DNAH1: variants seen among roughly 807,000 people sequenced by gnomAD.
DNAH1 encodes the protein axonemal beta dynein heavy chain 1.
Under a neutral mutation model 484.3 loss-of-function variants are expected in DNAH1, and 327 were observed. The observed-to-expected ratio is 0.68, with a 90% CI of 0.62 to 0.74. The LOEUF (loss-of-function observed/expected upper bound fraction) is 0.74. DNAH1 is among the 30% of genes least tolerant of loss of function. The probability of loss-of-function intolerance (pLI) is 0.00; values close to 1 mark genes in which losing one functional copy is unlikely to be tolerated. For missense variants in DNAH1, 5,052 were observed against 5,546.8 expected, an observed-to-expected ratio of 0.91 and a Z score of 2.83; for synonymous variants, 2,192 against 2,191.9, an observed-to-expected ratio of 1.00 and a Z score of 0.00.
At chr3:52,315,077 A>C (rs1439940325), upstream of DNAH1, among the ~76,000 whole-genome samples, 2 of 152,226 alleles carry the variant, frequency 1.3e-5, no homozygotes, top group Non-Finnish European at 2.9e-5. Context: ...AGAACTGCTG[A>C]GGGCAGCTGA....
chr3:52,385,460 C>T lies in DNAH1; in HGVS notation c.8625+13C>T, dbSNP rs888067082. On this transcript the variant is annotated intron_variant, in intron 54 of 77. Coordinates refer to ENST00000420323, the MANE Select transcript of DNAH1 (RefSeq NM_015512.5). ...GGAGCAGATCAAGGTTGGGGTGCTC[C>T]CGAGCCCCTCCCCAATGCCTGACTC... 3 of 1,549,314 alleles carry T rather than the reference C, an allele frequency of 1.9e-6. No homozygotes were observed. The African/African-American group carries it at 4.1e-5, about 21-fold the overall frequency.
intron 34 of DNAH1, 25 bp downstream of exon 34, chr3:52,365,044 G>T (rs775830777): frequency 6.3e-7 from 1 of 1,590,512 alleles, no homozygotes; most frequent in Admixed American, 1.7e-5. Flanking sequence ...CTGAGTGTTC[G>T]TGGAGGGGCT....
intron 34 of DNAH1, among the ~76,000 whole-genome samples, chr3:52,365,952 C>T (rs1703056568): frequency 6.6e-6 from 1 of 152,256 alleles, no homozygotes; most frequent in Admixed American, 6.5e-5. Context: ...AACCCCCGGA[C>T]CTGCAGGGCC....
chr3:52,398,847 C>T lies in DNAH1; in HGVS notation c.12090-3C>T. 5.9e-6 allele frequency: 9 copies of T among 1,533,318 alleles called. No individual in the cohort carries two copies. The South Asian group carries it at 1.0e-4, about 18-fold the overall frequency. The allele number at this position is 1,533,318 out of a possible 1,614,324, so 95.0% of individuals were successfully genotyped here. ...ACCTATTCTCTTGCCACTGGCCTCA[C>T]AGGTACAATCGGCTGCTGCAGGTGA... On this transcript the variant is annotated splice_region_variant and splice_polypyrimidine_tract_variant and intron_variant, in intron 75 of 77. Transcript: ENST00000420323.
chr3:52,371,325 G>A (rs754103941), intron 41 of DNAH1, among the ~76,000 whole-genome samples: 1 of 152,266 alleles, frequency 6.6e-6, no homozygotes, highest in Non-Finnish European at 1.5e-5. Flanking sequence ...GCAGAGACCT[G>A]TCCATTACTG....
chr3:52,395,275 A>T lies in DNAH1; in HGVS notation c.10969-33A>T, dbSNP rs371977947. On this transcript the variant is annotated intron_variant, in intron 68 of 77. Transcript: ENST00000420323. The surrounding 1 kb of genome is among the most constrained non-coding windows in gnomAD (Gnocchi z 4.4). ...CTTGCCCCGATCTCTCTGCAGCCCC[A>T]GGTGGTCTCAGCATCTCCCCCTGCC... The T allele has an allele frequency of 6.0e-5, 97 of 1,605,580 alleles. No homozygotes were observed. The highest frequency in any genetic ancestry group is 7.8e-5 in the Non-Finnish European group (92 of 1,175,272).
intron 44 of DNAH1, chr3:52,374,708 C>T: frequency 1.5e-6 from 2 of 1,369,252 alleles, no homozygotes; most frequent in Non-Finnish European, 2.1e-6. Flanking sequence ...CCCATTGGAA[C>T]AAGATAATAC....
intron 37 of DNAH1, 110 bp from the exon 38 acceptor site, chr3:52,369,715 C>T (rs1377803885): frequency 1.6e-6 from 2 of 1,214,774 alleles, no homozygotes; most frequent in Non-Finnish European, 2.3e-6. Flanking sequence ...CACAGCCTGC[C>T]CACACCGCCC....
Position 52,322,405 on chromosome 3 carries a change from C to G in DNAH1, c.-34-4C>G. ...GGCTGACTGACGCTGGGTTCTTCTC[C>G]TAGGAGCTTCGGCTGGGGCATCTCC... On this transcript the variant is annotated splice_polypyrimidine_tract_variant and splice_region_variant and intron_variant, in intron 1 of 77. Transcript: ENST00000420323. 2 of 1,580,162 alleles carry G rather than the reference C, an allele frequency of 1.3e-6. No homozygotes were observed. The highest frequency in any genetic ancestry group is 1.7e-6 in the Non-Finnish European group (2 of 1,168,016).
chr3:52,353,090 C>A lies in DNAH1; in HGVS notation c.3028-13C>A. The A allele has an allele frequency of 6.2e-7, 1 of 1,608,256 alleles. No individual in the cohort carries two copies. ...CCCAAGACAGCCCCAGCCCTGCCCT[C>A]CTGTCCCTGCAGTATGACAAGCTCT... On this transcript the variant is annotated splice_polypyrimidine_tract_variant and intron_variant, in intron 18 of 77. Transcript: ENST00000420323. The surrounding 1 kb of genome is among the most constrained non-coding windows in gnomAD (Gnocchi z 5.0).
At chr3:52,388,135 C>T (rs1240771378) in intron 56 of DNAH1, 32 bp from the exon 57 acceptor site, 2 of 1,592,602 alleles carry the variant, frequency 1.3e-6, no homozygotes, top group East Asian at 2.3e-5. Flanking sequence ...CCTTGAGAAG[C>T]AGCCTCTTGA....
rs940289876 is a variant in DNAH1 at position 52,364,271 on chromosome 3, A to G, written c.5245-367A>G. 2.0e-5 allele frequency among the ~76,000 whole-genome samples: 3 copies of G among 152,212 alleles called. No homozygotes were observed. The highest frequency in any genetic ancestry group is 4.4e-5 in the Non-Finnish European group (3 of 68,038). ...GATGTTATGGGAGAATGTTAGAAGG[A>G]AGCTCAAGGGCCATCAAGGCCAAGC... is the stretch of plus-strand genomic sequence containing the variant. On this transcript the variant is annotated intron_variant, in intron 32 of 77. Coordinates refer to ENST00000420323, the MANE Select transcript of DNAH1 (RefSeq NM_015512.5). This position sits in a 1 kb window ranked among gnomAD's most constrained non-coding sequence, Gnocchi z 4.2.
chr3:52,348,157 A>G (rs562936275), intron 12 of DNAH1, among the ~76,000 whole-genome samples, 183 bp downstream of exon 12: 27 of 152,344 alleles, frequency 1.8e-4, no homozygotes, highest in African/African-American at 6.0e-4. Context: ...ACTGTGACCT[A>G]TTAACACTCG....
Position 52,361,813 on chromosome 3 carries a change from C to T in DNAH1, c.4980+47C>T, listed in dbSNP as rs372670401. On this transcript the variant is annotated intron_variant, in intron 30 of 77. Coordinates refer to ENST00000420323, the MANE Select transcript of DNAH1 (RefSeq NM_015512.5). This position sits in a 1 kb window ranked among gnomAD's most constrained non-coding sequence, Gnocchi z 5.6. ...TACTCCCTCAGATCTGCCATACTCA[C>T]GCCGCCATACTGCTCCCCATTGCAG... 1.2e-4 allele frequency: 191 copies of T among 1,533,744 alleles called. No homozygotes were observed. In the African/African-American group the frequency reaches 2.0e-3, roughly 16 times the overall value.
At chr3:52,325,273 A>G (rs905710632) in intron 3 of DNAH1, among the ~76,000 whole-genome samples, 1 of 152,124 alleles carries the variant, frequency 6.6e-6, no homozygotes, top group African/African-American at 2.4e-5. Context: ...GCCCTCCTGC[A>G]GCATGACCAC....
At position 52,379,124 on chromosome 3, in the gene DNAH1, G is replaced by T. The variant is rs1380260994; in HGVS notation, c.7377+344G>T. On this transcript the variant is annotated intron_variant, in intron 47 of 77. Coordinates refer to ENST00000420323, the MANE Select transcript of DNAH1 (RefSeq NM_015512.5). This position sits in a 1 kb window ranked among gnomAD's most constrained non-coding sequence, Gnocchi z 4.4. Reference sequence around the variant, plus strand: ...AAACCCCAGGTGGAAGGAGGGGGAAGTGTAGCAGGGAGCCAGGTGTCAGGG... The same window carrying T: ...AAACCCCAGGTGGAAGGAGGGGGAATTGTAGCAGGGAGCCAGGTGTCAGGG... Among the ~76,000 whole-genome samples the T allele has an allele frequency of 6.6e-6, 1 of 152,222 alleles. No homozygotes were observed. Among genetic ancestry groups the T allele is most frequent in the Non-Finnish European group, 1.5e-5 (1 of 68,040 alleles).
intron 17 of DNAH1, 61 bp downstream of exon 17, chr3:52,352,164 T>C: frequency 6.5e-7 from 1 of 1,536,762 alleles, no homozygotes. Context: ...CGCACAGTTC[T>C]CCAGGGCCTG....
intron 34 of DNAH1, among the ~76,000 whole-genome samples, chr3:52,365,469 A>G (rs956112361): frequency 6.6e-5 from 10 of 152,338 alleles, no homozygotes; most frequent in African/African-American, 2.4e-4. Flanking sequence ...CCCTGGCGTC[A>G]CTGCGCTAAA....
chr3:52,351,538 C>T (rs1420673990), intron 16 of DNAH1, among the ~76,000 whole-genome samples: 1 of 152,262 alleles, frequency 6.6e-6, no homozygotes, highest in Non-Finnish European at 1.5e-5. Flanking sequence ...GTCAGCTGGG[C>T]AAAGGGAGTT....
Sources: gnomAD v4.1 joint callset for allele counts (sites outside exome capture counted in the v4.1 genomes callset) on GRCh38, gnomAD v4.1.1 for gene constraint, Gnocchi (gnomAD v3.1) non-coding constraint, MANE v1.5 for transcripts, NCBI Gene and HGNC (gene_info 2026-07-23, HGNC 2026-07-21) for gene names.